Variants in PIK3C3 observed in about 807,000 individuals in gnomAD.
The protein encoded by PIK3C3 is phosphatidylinositol 3-kinase catalytic subunit type 3.
PIK3C3 carries 95 observed loss-of-function variants against 126.1 expected under a neutral mutation model. The ratio of observed to expected loss-of-function variants is 0.75; its 90% confidence interval spans 0.64 to 0.89. The LOEUF is 0.89. PIK3C3 is among the 40% of genes least tolerant of loss of function. The probability of loss-of-function intolerance (pLI) is 0.00; values close to 1 mark genes in which losing one functional copy is unlikely to be tolerated. For synonymous variants in PIK3C3, 374 were observed against 360.0 expected (o/e 1.04, Z -0.44); for missense variants, 829 against 1,063.2 (o/e 0.78, Z 3.06).
chr18:41,959,077 A>G (rs1979943854), intron 2 of PIK3C3, among the ~76,000 whole-genome samples: 1 of 152,198 alleles, frequency 6.6e-6, no homozygotes, highest in South Asian at 2.1e-4. Context: ...CTGAAGGTGT[A>G]TGCAGAATTT....
At position 41,987,849 on chromosome 18, in the gene PIK3C3, T is replaced by C. The variant is rs779679712; in HGVS notation, c.569T>C (p.Val190Ala). The C allele has an allele frequency of 6.8e-6, 11 of 1,607,472 alleles. No individual in the cohort carries two copies. The highest frequency in any genetic ancestry group is 1.1e-5 in the South Asian group (1 of 89,556). Residue 190 changes from valine (V) to alanine (A), a missense_variant, in exon 5 of 25, where the codon GTA (valine) becomes GCA (alanine). Around this residue, in one of 4 missense-constraint regions of PIK3C3, gnomAD observed 313 missense variants for 340.7 expected, o/e 0.92. Coordinates refer to ENST00000262039, the MANE Select transcript of PIK3C3 (RefSeq NM_002647.4). Reference protein sequence around the residue: ...KAHRQGHMVKVDWLDRLTFRE... With the variant: ...KAHRQGHMVKADWLDRLTFRE... Reference sequence around the variant, plus strand: ...CATCGACAAGGACACATGGTGAAAGTAGATTGGCTGGATAGATTGACATTT... The same window carrying C: ...CATCGACAAGGACACATGGTGAAAGCAGATTGGCTGGATAGATTGACATTT...
intron 15 of PIK3C3, among the ~76,000 whole-genome samples, chr18:42,030,977 T>C (rs1400578164): frequency 6.6e-6 from 1 of 152,222 alleles, no homozygotes; most frequent in African/African-American, 2.4e-5. Context: ...GTTTCTCACA[T>C]AGCCTATATT....
chr18:41,969,203 G>GT (rs929336759), intron 3 of PIK3C3, among the ~76,000 whole-genome samples: 22 of 151,726 alleles, frequency 1.4e-4, no homozygotes, highest in African/African-American at 5.1e-4. Flanking sequence ...CACACTTCTA[G>GT]TTTTTTTCTT....
chr18:42,066,958 A>T (rs1319208079), intron 23 of PIK3C3, among the ~76,000 whole-genome samples: 2 of 152,084 alleles, frequency 1.3e-5, no homozygotes, highest in Non-Finnish European at 2.9e-5. Context: ...GAATATTAAT[A>T]TAATCTCACC....
At chr18:41,987,377 T>C (rs555004552) in intron 4 of PIK3C3, among the ~76,000 whole-genome samples, 1 of 152,210 alleles carries the variant, frequency 6.6e-6, no homozygotes, top group East Asian at 1.9e-4. Context: ...AGTATTAATG[T>C]GCAAACCCAG....
At chr18:42,054,383 C>G (rs1035979209) in intron 21 of PIK3C3, among the ~76,000 whole-genome samples, 3 of 151,000 alleles carry the variant, frequency 2.0e-5, no homozygotes, top group African/African-American at 7.3e-5. Flanking sequence ...TCTCTTTTCA[C>G]ATTTTTCTGT....
chr18:41,960,724 G>A (rs8095945), intron 2 of PIK3C3, among the ~76,000 whole-genome samples: 5,831 of 151,866 alleles, frequency 0.038, 357 homozygotes, highest in African/African-American at 0.13. Context: ...CAAACTTTTT[G>A]ACTGAAGGAT....
At chr18:42,059,733 G>T (rs1051703304) in intron 22 of PIK3C3, 1 of 149,832 alleles carries the variant, frequency 6.7e-6, no homozygotes, top group African/African-American at 2.5e-5. Context: ...AAATTTCCCT[G>T]TACTTAATAT....
intron 11 of PIK3C3, 72 bp downstream of exon 11, chr18:42,013,668 C>T: frequency 8.4e-7 from 1 of 1,189,788 alleles, no homozygotes; most frequent in Non-Finnish European, 1.2e-6. Flanking sequence ...TTCTCTTTTC[C>T]TTTCCTTAGA....
At chr18:42,003,839 A>G (rs1307417882) in intron 9 of PIK3C3, among the ~76,000 whole-genome samples, 3 of 152,214 alleles carry the variant, frequency 2.0e-5, no homozygotes, top group Non-Finnish European at 4.4e-5. Context: ...AGATACGTAC[A>G]TACTCCACAT....
chr18:42,025,578 G>T (rs565483977), intron 13 of PIK3C3: 35 of 152,278 alleles, frequency 2.3e-4, no homozygotes, highest in African/African-American at 7.9e-4. Context: ...AGAATTCCTA[G>T]CCCAAATACC....
intron 4 of PIK3C3, chr18:41,971,287 G>A (rs1980654360): frequency 6.6e-6 from 1 of 151,948 alleles, no homozygotes; most frequent in South Asian, 2.1e-4. Flanking sequence ...AATGTCTGGA[G>A]GAAGTTTTGT....
chr18:42,012,509 T>C (rs904000043), intron 10 of PIK3C3, among the ~76,000 whole-genome samples: 7 of 152,196 alleles, frequency 4.6e-5, no homozygotes, highest in Non-Finnish European at 7.4e-5. Context: ...AATTGGAAGA[T>C]AATACGTACA....
chr18:41,962,207 G>T (rs1441403616), intron 2 of PIK3C3, among the ~76,000 whole-genome samples: 1 of 151,666 alleles, frequency 6.6e-6, no homozygotes, highest in Non-Finnish European at 1.5e-5. Flanking sequence ...GTTTTCCCAG[G>T]TTTTTTTCGC....
intron 9 of PIK3C3, among the ~76,000 whole-genome samples, chr18:42,000,561 T>C (rs1982237457): frequency 6.6e-6 from 1 of 152,138 alleles, no homozygotes; most frequent in Non-Finnish European, 1.5e-5. Context: ...ACGTGTGTGT[T>C]CATACCCCAC....
At chr18:41,955,924 A>G (rs993925687) in intron 1 of PIK3C3, among the ~76,000 whole-genome samples, 5 of 152,150 alleles carry the variant, frequency 3.3e-5, no homozygotes, top group African/African-American at 1.2e-4. Context: ...TTTCAAAGGT[A>G]CCAAGAAGAT....
rs200680614 is a variant in PIK3C3, at chr18:42,007,483, A to G, written c.1170+2942A>G. On this transcript the variant is annotated intron_variant, in intron 10 of 24. Transcript: ENST00000262039. ...ATGTTTGCATATTATAAAAATATTGACACCTTTATGACATATCTTCCATCA... is the reference window on the plus strand; with the variant it reads ...ATGTTTGCATATTATAAAAATATTGGCACCTTTATGACATATCTTCCATCA... Among the ~76,000 whole-genome samples, 13 of 152,146 alleles carry G rather than the reference A, an allele frequency of 8.5e-5. No homozygotes were observed. The East Asian group carries it at 2.5e-3, about 29-fold the overall frequency.
intron 21 of PIK3C3, chr18:42,050,019 CAG>C (rs1357623928): frequency 4.7e-5 from 7 of 150,158 alleles, no homozygotes; most frequent in Non-Finnish European, 7.4e-5. Flanking sequence ...GAAGATAAAT[CAG>C]AGAGTCTTAA....
chr18:41,986,007 A>G (rs2144343797), intron 4 of PIK3C3, among the ~76,000 whole-genome samples: 1 of 152,286 alleles, frequency 6.6e-6, no homozygotes, highest in South Asian at 2.1e-4. Flanking sequence ...CAACTATTGT[A>G]TCATAAATAC....
Sources: allele counts gnomAD v4.1 joint callset (sites outside exome capture counted in the v4.1 genomes callset), GRCh38; gene constraint gnomAD v4.1.1; regional missense constraint gnomAD v4.1.1; transcripts MANE v1.5; gene names NCBI Gene and HGNC (gene_info 2026-07-23, HGNC 2026-07-21).